The following GRHL3 variants were observed in gnomAD, a reference collection of about 807,000 sequenced individuals.
GRHL3 encodes grainyhead-like protein 3 homolog.
In GRHL3, 20 loss-of-function variants were observed where a neutral mutation model predicts 70.3. The ratio of observed to expected loss-of-function variants is 0.28; its 90% CI spans 0.20 to 0.41. GRHL3 has a LOEUF of 0.41. GRHL3 is among the 10% of genes least tolerant of loss of function. The pLI, the probability that GRHL3 is intolerant of heterozygous loss-of-function variation, is 1.00. For synonymous variants in GRHL3, 299 were observed against 299.9 expected (o/e 1.00, Z 0.03); for missense variants, 637 against 762.3 (o/e 0.84, Z 1.94).
At chr1:24,332,047 G>A (rs968494184) in intron 2 of GRHL3, among the ~76,000 whole-genome samples, 1 of 152,096 alleles carries the variant, frequency 6.6e-6, no homozygotes, top group Admixed American at 6.5e-5. Flanking sequence ...TGACCCACTC[G>A]TTGCCTGGTC....
At chr1:24,326,864 T>C (rs1391063865) in intron 1 of GRHL3, among the ~76,000 whole-genome samples, 1 of 152,240 alleles carries the variant, frequency 6.6e-6, no homozygotes, top group Non-Finnish European at 1.5e-5. Context: ...CTCTATTGTA[T>C]ATTTCCTGGT....
chr1:24,343,094 T>C, intron 11 of GRHL3, 69 bp downstream of exon 11: 1 of 1,593,436 alleles, frequency 6.3e-7, no homozygotes, highest in Non-Finnish European at 8.6e-7. Flanking sequence ...GGGCCTGCCT[T>C]AGCACAGACC....
In GRHL3 at chr1:24,331,567, T is replaced by C. The variant is rs754709945; in HGVS notation, c.159T>C (p.Asp53=). Residue 53 remains aspartate, a synonymous_variant, in exon 2 of 16, where the codon GAT becomes GAC. Coordinates refer to ENST00000361548, the MANE Select transcript of GRHL3 (RefSeq NM_198173.3). ...ATKAMMRVNG[D]DDSVAALSFL... ...AGGCCATGATGAGAGTCAATGGAGA[T>C]GATGACAGTGTTGCGGCCTTGAGCT... The C allele has an allele frequency of 2.5e-6, 4 of 1,613,968 alleles. No homozygotes were observed. The highest frequency in any genetic ancestry group is 1.1e-5 in the South Asian group (1 of 91,064).
intron 1 of GRHL3, 111 bp downstream of exon 1, chr1:24,319,679 T>G: frequency 6.2e-7 from 1 of 1,605,618 alleles, no homozygotes; most frequent in South Asian, 1.1e-5. Context: ...GAGCAATTTG[T>G]AAGGGTAAAT....
At chr1:24,358,858 C>T (rs1019563746), downstream of GRHL3, among the ~76,000 whole-genome samples, 2 of 152,140 alleles carry the variant, frequency 1.3e-5, no homozygotes, top group Non-Finnish European at 1.5e-5. Flanking sequence ...TTTAACAGAA[C>T]AAAATTTACA....
Position 24,319,830 on chromosome 1 carries a change from A to C in GRHL3, c.17+262A>C, listed in dbSNP as rs950697715. 49 of 1,081,268 alleles carry C rather than the reference A, an allele frequency of 4.5e-5. No individual in the cohort carries two copies. The South Asian group carries it at 6.4e-4, about 14-fold the overall frequency. The allele number at this position is 1,081,268 out of a possible 1,614,324, so 67.0% of individuals were successfully genotyped here. A position where few individuals can be genotyped will look rare whatever the true frequency, so the allele number is the denominator to read the frequency against. The stretch of plus-strand genomic sequence containing the variant: ...CCAGGCAGGGAAACACAAGACTGAA[A>C]CTGTGAAGGTTTCTGGCACCACTTT... On this transcript the variant is annotated intron_variant, in intron 1 of 15. Coordinates refer to ENST00000361548, the MANE Select transcript of GRHL3 (RefSeq NM_198173.3).
At position 24,343,024 on chromosome 1, in the gene GRHL3, G is replaced by T. The variant is rs980139460; in HGVS notation, c.1418G>T (p.Gly473Val). 8.7e-6 allele frequency: 14 copies of T among 1,614,088 alleles called. No individual in the cohort carries two copies. The Admixed American group carries it at 1.5e-4, about 17-fold the overall frequency. Residue 473 changes from glycine (G) to valine (V), a missense_variant and splice_region_variant, in exon 11 of 16, where the codon GGG becomes GTG. By Grantham distance (109) the Gly-to-Val change is moderately radical. Coordinates refer to ENST00000361548, the MANE Select transcript of GRHL3 (RefSeq NM_198173.3). Reference sequence around the variant, plus strand: ...TTCTCCAGCCTGCAGCGCTCTGGAGGGGTGAGGCCAGGGCTGGGGTCTCGG... The same window carrying T: ...TTCTCCAGCCTGCAGCGCTCTGGAGTGGTGAGGCCAGGGCTGGGGTCTCGG... ...VHFSSLQRSG[G>V]AAPSAGPSSS... is the part of the protein sequence containing the mutation.
Position 24,342,574 on chromosome 1 carries a change from C to A in GRHL3, c.1207-120C>A, listed in dbSNP as rs61772770. The A allele has an allele frequency of 9.9e-7, 1 of 1,007,864 alleles. No individual in the cohort carries two copies. The highest frequency in any genetic ancestry group is 1.5e-6 in the Non-Finnish European group (1 of 647,030). 62.4% of individuals were successfully genotyped at this position (1,007,864 alleles called of 1,614,324 possible). A position where few individuals can be genotyped will look rare whatever the true frequency, so the allele number is the denominator to read the frequency against. Reference sequence around the variant, plus strand: ...TGCTGGTACCTTCCCATTTCCTGGTCTTGTTCTGGAAAAAAGAAGGACCAG... The same window carrying A: ...TGCTGGTACCTTCCCATTTCCTGGTATTGTTCTGGAAAAAAGAAGGACCAG... On this transcript the variant is annotated intron_variant, in intron 9 of 15. Transcript: ENST00000361548. This position sits in a 1 kb window ranked among gnomAD's most constrained non-coding sequence, Gnocchi z 4.8.
Position 24,354,718 on chromosome 1 carries a change from C to T in GRHL3, c.*230C>T, listed in dbSNP as rs1640649164. ...TGAATCTGCTCCCTGAACTTCCTGC[C>T]AGTGCCTCCCCGTACCCCAAAACAA... On this transcript the variant is annotated 3_prime_UTR_variant, in exon 16 of 16. Coordinates refer to ENST00000361548, the MANE Select transcript of GRHL3 (RefSeq NM_198173.3). The T allele has an allele frequency of 4.4e-6, 2 of 454,842 alleles. No individual in the cohort carries two copies. The highest frequency in any genetic ancestry group is 3.7e-5 in the Admixed American group (1 of 27,212). The allele number at this position is 454,842 out of a possible 1,614,324, so 28.2% of individuals were successfully genotyped here. A position where few individuals can be genotyped will look rare whatever the true frequency, so the allele number is the denominator to read the frequency against.
intron 1 of GRHL3, among the ~76,000 whole-genome samples, chr1:24,331,001 G>A (rs755909239): frequency 1.5e-4 from 23 of 152,246 alleles, no homozygotes; most frequent in Non-Finnish European, 2.6e-4. Flanking sequence ...GCCTTTCACA[G>A]TCTTGAGGAC....
Position 24,346,548 on chromosome 1 carries a change from C to T in GRHL3, c.1455-5C>T, listed in dbSNP as rs1557703656. 6 of 1,609,094 alleles carry T rather than the reference C, an allele frequency of 3.7e-6. No individual in the cohort carries two copies. In the Admixed American group the frequency reaches 8.3e-5, roughly 22 times the overall value. On this transcript the variant is annotated splice_polypyrimidine_tract_variant and splice_region_variant and intron_variant, in intron 12 of 15. Transcript: ENST00000361548. The stretch of plus-strand genomic sequence containing the variant: ...TCACAAGCTCCCCCACTGCCATCCC[C>T]ACAGGCTGCCTCTGAAGCGTACCTG...
exon 16 of GRHL3, chr1:24,364,462 G>A (rs1044963024): frequency 1.4e-6 from 2 of 1,405,670 alleles, no homozygotes; most frequent in Non-Finnish European, 1.9e-6. Context: ...ATACATTCTG[G>A]CTATTACTTT....
At chr1:24,329,672 C>T (rs1639529875) in intron 1 of GRHL3, among the ~76,000 whole-genome samples, 1 of 152,168 alleles carries the variant, frequency 6.6e-6, no homozygotes, top group Admixed American at 6.5e-5. Flanking sequence ...GCCTAACGAA[C>T]AGAGAACATT....
intron 1 of GRHL3, among the ~76,000 whole-genome samples, chr1:24,323,866 GTATTTCTC>G (rs1639297534): frequency 1.3e-5 from 2 of 152,204 alleles, no homozygotes; most frequent in South Asian, 4.1e-4. Flanking sequence ...TTATTTGATG[GTATTTCTC>G]TAGGCTTTTC....
chr1:24,345,787 A>G (rs1164734487), intron 12 of GRHL3, among the ~76,000 whole-genome samples: 3 of 152,136 alleles, frequency 2.0e-5, no homozygotes, highest in African/African-American at 4.8e-5. Context: ...CAGCCTACAC[A>G]TTTGTCAGAT....
chr1:24,349,901 A>G lies in GRHL3; in HGVS notation c.1630-157A>G, dbSNP rs77461640. Among the ~76,000 whole-genome samples, 5,094 of 152,338 alleles carry G rather than the reference A, an allele frequency of 0.033. 217 individuals carry two copies. The highest frequency in any genetic ancestry group is 0.098 in the African/African-American group (4,087 of 41,556). ...TTAATGGTGTCTATCTCTGAGAAACAGGATTATAGATGATTGTAATTTTCT... is the reference window on the plus strand; with the variant it reads ...TTAATGGTGTCTATCTCTGAGAAACGGGATTATAGATGATTGTAATTTTCT... On this transcript the variant is annotated intron_variant, in intron 14 of 15. Coordinates refer to ENST00000361548, the MANE Select transcript of GRHL3 (RefSeq NM_198173.3).
At position 24,319,580 on chromosome 1, in the gene GRHL3, T is replaced by C. The variant is rs368717961; in HGVS notation, c.17+12T>C. 1.6e-4 allele frequency: 266 copies of C among 1,613,774 alleles called. 2 individuals are homozygous for C. In the African/African-American group the frequency reaches 3.2e-3, roughly 19 times the overall value. ...TCGAATGAACTTGAGTGAGTAAACA[T>C]CGGTGGATACCTGCCGCTCTCAGAG... is the stretch of plus-strand genomic sequence containing the variant. On this transcript the variant is annotated intron_variant, in intron 1 of 15. Coordinates refer to ENST00000361548, the MANE Select transcript of GRHL3 (RefSeq NM_198173.3).
Position 24,326,256 on chromosome 1 carries a change from G to A in GRHL3, c.18-5170G>A, listed in dbSNP as rs183092574. ...AGTAGGCGGACAAGCTCTGGGAGCT[G>A]TGCCAGGCTGATGCCTTTGATCTTG... On this transcript the variant is annotated intron_variant, in intron 1 of 15. Transcript: ENST00000361548. Among the ~76,000 whole-genome samples the A allele has an allele frequency of 3.7e-4, 57 of 152,310 alleles. No homozygotes were observed. The East Asian group carries it at 0.01, about 27-fold the overall frequency.
chr1:24,331,335 A>T, intron 1 of GRHL3, 91 bp from the exon 2 acceptor site: 1 of 1,185,940 alleles, frequency 8.4e-7, no homozygotes, highest in South Asian at 1.6e-5. Context: ...AAAGCTAATA[A>T]CTCTGAATTC....
Sources: gnomAD v4.1 joint callset for allele counts (sites outside exome capture counted in the v4.1 genomes callset) on GRCh38, gnomAD v4.1.1 for gene constraint, Gnocchi (gnomAD v3.1) non-coding constraint, MANE v1.5 for transcripts, NCBI Gene and HGNC (gene_info 2026-07-23, HGNC 2026-07-21) for gene names.